MKRN1: variants seen among roughly 807,000 people sequenced by gnomAD.
The protein encoded by MKRN1 is E3 ubiquitin-protein ligase makorin-1.
A neutral mutation model predicts 55.5 loss-of-function variants in MKRN1; 9 were observed. That is an observed-to-expected ratio of 0.16 (90% CI 0.10 to 0.28). MKRN1 has a LOEUF of 0.28. Among genes scored for constraint, MKRN1 ranks in the 10% least tolerant of loss-of-function variants. MKRN1 has a pLI of 1.00. For missense variants in MKRN1, 488 were observed against 626.7 expected (o/e 0.78, Z 2.36); for synonymous variants, 253 against 235.9 (o/e 1.07, Z -0.66).
rs533753974 is a variant in MKRN1, at chr7:140,463,701, C to A, written c.315-3765G>T. Among the ~76,000 whole-genome samples, 11 of 152,020 alleles carry A rather than the reference C, an allele frequency of 7.2e-5. No homozygotes were observed. In the South Asian group the frequency reaches 1.9e-3, roughly 26 times the overall value. On this transcript the variant is annotated intron_variant, in intron 2 of 7. Coordinates refer to ENST00000255977, the MANE Select transcript of MKRN1 (RefSeq NM_013446.4). ...GAGATGGAGACCATCCTGGCTAACA[C>A]GGTGAAACCTCGTCTCTACTAAAAA...
At chr7:140,469,390 T>C (rs1034721409) in intron 2 of MKRN1, among the ~76,000 whole-genome samples, 5 of 152,002 alleles carry the variant, frequency 3.3e-5, no homozygotes, top group East Asian at 1.9e-4. Flanking sequence ...TTAAAGTACA[T>C]ACAAAACTCT....
At chr7:140,474,881 G>A (rs1005159284) in intron 1 of MKRN1, among the ~76,000 whole-genome samples, 1 of 151,718 alleles carries the variant, frequency 6.6e-6, no homozygotes, top group African/African-American at 2.4e-5. Flanking sequence ...ACCACGCCCA[G>A]CTAATTTTTG....
intron 1 of MKRN1, among the ~76,000 whole-genome samples, chr7:140,474,005 A>AAAAGACAG (rs1795025676): frequency 1.5e-5 from 1 of 65,658 alleles, no homozygotes; most frequent in South Asian, 4.3e-4. Flanking sequence ...AAAAAAAAAA[A>AAAAGACAG]AAAGAAAGAA....
Position 140,479,118 on chromosome 7 carries a change from G to A in MKRN1, c.185+42C>T, listed in dbSNP as rs573211181. On this transcript the variant is annotated intron_variant, in intron 1 of 7. Coordinates refer to ENST00000255977, the MANE Select transcript of MKRN1 (RefSeq NM_013446.4). ...TCCCGCGCCGCAGGCTTGGCCCGCG[G>A]CCCCCTCCCCGCGCCCGGCGCTCCG... 1.2e-4 allele frequency: 157 copies of A among 1,293,576 alleles called. No individual in the cohort carries two copies. In the African/African-American group the frequency reaches 2.2e-3, roughly 18 times the overall value. The allele number at this position is 1,293,576 out of a possible 1,614,324, so 80.1% of individuals were successfully genotyped here. A position where few individuals can be genotyped will look rare whatever the true frequency, so the allele number is the denominator to read the frequency against.
At chr7:140,455,021 C>T (rs1455555412) in intron 7 of MKRN1, 74 bp downstream of exon 7, 5 of 1,567,228 alleles carry the variant, frequency 3.2e-6, no homozygotes, top group Non-Finnish European at 3.5e-6. Context: ...CTTCTCCTTC[C>T]CCTACCCCAA....
intron 2 of MKRN1, chr7:140,460,246 C>CA (rs58698651): frequency 0.19 from 14,798 of 76,966 alleles, 2,232 homozygotes; most frequent in Non-Finnish European, 0.29. Context: ...GACTCCGTCT[C>CA]AAAAAAAAAA....
chr7:140,456,076 A>T, intron 5 of MKRN1, 176 bp from the exon 6 acceptor site: 1 of 981,192 alleles, frequency 1.0e-6, no homozygotes, highest in Non-Finnish European at 1.4e-6. Context: ...AAGCAAGGCA[A>T]CCTCCTTTAT....
chr7:140,458,973 A>G (rs750465224), intron 4 of MKRN1, 34 bp downstream of exon 4: 1 of 1,599,918 alleles, frequency 6.3e-7, no homozygotes. Flanking sequence ...TGATTCTCAC[A>G]TCTAATAACA....
intron 5 of MKRN1, 44 bp downstream of exon 5, chr7:140,456,608 C>G (rs1794473001): frequency 1.2e-6 from 2 of 1,600,884 alleles, no homozygotes; most frequent in Admixed American, 3.4e-5. Context: ...CTAAATTCTT[C>G]CCCAAAAGAG....
intron 1 of MKRN1, among the ~76,000 whole-genome samples, chr7:140,474,001 AAAAAAAAGAAAGAAAGAAAG>A (rs1240357211): frequency 4.8e-5 from 5 of 103,366 alleles, no homozygotes; most frequent in East Asian, 5.1e-4. Flanking sequence ...TCAAAAAAAA[AAAAAAAAGAAAGAAAGAAAG>A]AAAGAAAGAA....
At chr7:140,459,322 T>A (rs535696953) in intron 3 of MKRN1, 89 bp from the exon 4 acceptor site, 1 of 1,318,258 alleles carries the variant, frequency 7.6e-7, no homozygotes, top group East Asian at 2.4e-5. Context: ...AAAATGAAAA[T>A]AAAACTGCAA....
intron 5 of MKRN1, 113 bp downstream of exon 5, chr7:140,456,539 T>C: frequency 6.8e-7 from 1 of 1,479,528 alleles, no homozygotes; most frequent in Non-Finnish European, 9.0e-7. Flanking sequence ...TATCCCAGTT[T>C]CAAGATAAAA....
intron 1 of MKRN1, chr7:140,473,311 CAG>C (rs1285473283): frequency 1.4e-5 from 6 of 440,078 alleles, no homozygotes; most frequent in African/African-American, 1.2e-4. Flanking sequence ...TTCCACTGTG[CAG>C]ACTCTGTCTC....
At position 140,479,384 on chromosome 7, in the gene MKRN1, G is replaced by C. The variant is rs1329832552; in HGVS notation, c.-40C>G. ...CACAGCAAAGGCCCCGGAACTTCCG[G>C]GATCACATAGTTCCGGTCCGGCTGC... On this transcript the variant is annotated 5_prime_UTR_variant, in exon 1 of 8. Transcript: ENST00000255977. 1 of 1,276,476 alleles carries C rather than the reference G, an allele frequency of 7.8e-7. No homozygotes were observed. The highest frequency in any genetic ancestry group is 1.5e-5 in the African/African-American group (1 of 64,530). 79.1% of individuals were successfully genotyped at this position (1,276,476 alleles called of 1,614,324 possible).
At chr7:140,459,329 G>T in intron 3 of MKRN1, 96 bp from the exon 4 acceptor site, 2 of 1,214,610 alleles carry the variant, frequency 1.6e-6, no homozygotes, top group Non-Finnish European at 2.3e-6. Flanking sequence ...AAATAAAACT[G>T]CAATGAAATA....
In MKRN1 at chr7:140,479,466, C is replaced by A. The variant is rs1397514466; in HGVS notation, c.-122G>T. On this transcript the variant is annotated 5_prime_UTR_variant, in exon 1 of 8. Coordinates refer to ENST00000255977, the MANE Select transcript of MKRN1 (RefSeq NM_013446.4). ...GGGGAAGGACACTGAGGCACCCGTTCGGTCCCCGCCTGCTACGCGTCGCGT... is the reference window on the plus strand; with the variant it reads ...GGGGAAGGACACTGAGGCACCCGTTAGGTCCCCGCCTGCTACGCGTCGCGT... The A allele has an allele frequency of 7.9e-6, 8 of 1,017,594 alleles. No homozygotes were observed. The highest frequency in any genetic ancestry group is 1.0e-5 in the Non-Finnish European group (8 of 789,894). 63.0% of individuals were successfully genotyped at this position (1,017,594 alleles called of 1,614,324 possible).
Position 140,479,475 on chromosome 7 carries a change from C to T in MKRN1, c.-131G>A. 1.0e-6 allele frequency: 1 copy of T among 971,328 alleles called. No homozygotes were observed. Among genetic ancestry groups the T allele is most frequent in the Non-Finnish European group, 1.3e-6 (1 of 745,510 alleles). The allele number at this position is 971,328 out of a possible 1,614,324, so 60.2% of individuals were successfully genotyped here. A position where few individuals can be genotyped will look rare whatever the true frequency, so the allele number is the denominator to read the frequency against. ...CACTGAGGCACCCGTTCGGTCCCCGCCTGCTACGCGTCGCGTATCTGAGCG... is the reference window on the plus strand; with the variant it reads ...CACTGAGGCACCCGTTCGGTCCCCGTCTGCTACGCGTCGCGTATCTGAGCG... On this transcript the variant is annotated 5_prime_UTR_variant, in exon 1 of 8. Transcript: ENST00000255977.
chr7:140,465,109 G>A (rs549283233), intron 2 of MKRN1, among the ~76,000 whole-genome samples: 2 of 152,166 alleles, frequency 1.3e-5, no homozygotes, highest in Non-Finnish European at 2.9e-5. Context: ...TCCCTGGTTG[G>A]TTTACAACTC....
chr7:140,462,693 A>G (rs1794657093), intron 2 of MKRN1, among the ~76,000 whole-genome samples: 2 of 152,138 alleles, frequency 1.3e-5, no homozygotes, highest in Admixed American at 6.6e-5. Context: ...GGCAGGGCGC[A>G]GTGGCTCACG....
Sources: gnomAD v4.1 joint callset for allele counts (sites outside exome capture counted in the v4.1 genomes callset) on GRCh38, gnomAD v4.1.1 for gene constraint, MANE v1.5 for transcripts, NCBI Gene and HGNC (gene_info 2026-07-23, HGNC 2026-07-21) for gene names.